Variants in EIF2AK3 observed in about 807,000 individuals in gnomAD.
The protein encoded by EIF2AK3 is eukaryotic translation initiation factor 2-alpha kinase 3.
A neutral mutation model predicts 113.5 loss-of-function variants in EIF2AK3; 50 were observed. That is an observed-to-expected ratio of 0.44 (90% CI 0.35 to 0.56). EIF2AK3 has a LOEUF of 0.56. Ranked by LOEUF, EIF2AK3 falls within the 20% of genes least tolerant of loss-of-function variation. The probability of loss-of-function intolerance (pLI) is 0.00; values close to 1 mark genes in which losing one functional copy is unlikely to be tolerated. For synonymous variants in EIF2AK3, 448 were observed against 495.4 expected (o/e 0.90, Z 1.27); for missense variants, 1,185 against 1,378.0 (o/e 0.86, Z 2.22).
At chr2:88,562,446 A>G in intron 14 of EIF2AK3, 56 bp from the exon 15 acceptor site, 1 of 1,386,560 alleles carries the variant, frequency 7.2e-7, no homozygotes, top group Non-Finnish European at 1.0e-6. Flanking sequence ...TACAGTTGAT[A>G]TTACAGCATT....
rs559379768 is a variant in EIF2AK3 at position 88,587,119 on chromosome 2, C to T, written c.1429+863G>A. On this transcript the variant is annotated intron_variant, in intron 8 of 16. Coordinates refer to ENST00000303236, the MANE Select transcript of EIF2AK3 (RefSeq NM_004836.7). ...ACTCGGGAGGCTGAGGCAGAAGAAT[C>T]GCTTGAACCCAGGAGGTGGAGGTTG... Among the ~76,000 whole-genome samples, 68 of 145,460 alleles carry T rather than the reference C, an allele frequency of 4.7e-4. 1 individual carries two copies. Among genetic ancestry groups the T allele is most frequent in the African/African-American group, 1.6e-3 (65 of 39,522 alleles).
intron 2 of EIF2AK3, among the ~76,000 whole-genome samples, chr2:88,611,390 A>G (rs1175070130): frequency 6.6e-6 from 1 of 152,232 alleles, no homozygotes; most frequent in Non-Finnish European, 1.5e-5. Context: ...TTATATCATC[A>G]GTATCTCTAC....
In EIF2AK3 at chr2:88,627,231, A is replaced by G; in HGVS notation, c.44T>C (p.Leu15Pro). 1 of 1,478,634 alleles carries G rather than the reference A, an allele frequency of 6.8e-7. No individual in the cohort carries two copies. 91.6% of individuals were successfully genotyped at this position (1,478,634 alleles called of 1,614,324 possible). A position where few individuals can be genotyped will look rare whatever the true frequency, so the allele number is the denominator to read the frequency against. The change falls in exon 1 of 17, where the codon CTG (leucine) becomes CCG (proline). Residue 15 changes from leucine (L) to proline (P), a missense_variant. Leu to Pro is a moderately conservative substitution (Grantham distance 98). Around this residue, in one of 3 missense-constraint regions of EIF2AK3, gnomAD observed 189 missense variants for 175.2 expected, o/e 1.08. Transcript: ENST00000303236. ...ISPGLLVRAL[L>P]LLLLLLGLAA... is the part of the protein sequence containing the mutation. ...GAGCCCCAGCAGCAGCAGCAGCAGCAGCAGCGCCCGTACCAGCAGCCCCGG... is the reference window on the plus strand; with the variant it reads ...GAGCCCCAGCAGCAGCAGCAGCAGCGGCAGCGCCCGTACCAGCAGCCCCGG...
rs186435400 is a variant in EIF2AK3 at position 88,585,880 on chromosome 2, C to T, written c.1611G>A (p.Thr537=). 9.9e-5 allele frequency: 160 copies of T among 1,614,064 alleles called. No individual in the cohort carries two copies. In the Admixed American group the frequency reaches 1.2e-3, roughly 12 times the overall value. The change falls in exon 9 of 17, where the codon ACG becomes ACA. Residue 537 remains threonine (T), a synonymous_variant. Transcript: ENST00000303236. ...GATGGAAAAGCCTGCGCACAATAAA[C>T]GTTGTTGCTATGATACAAAACAAAA... ...ATILFCIIAT[T]FIVRRLFHPH...
chr2:88,626,865 G>C, intron 1 of EIF2AK3, 102 bp downstream of exon 1: 6 of 1,479,222 alleles, frequency 4.1e-6, no homozygotes, highest in Non-Finnish European at 5.5e-6. Context: ...GCAGCCGAGG[G>C]AAGACGCCCG....
At chr2:88,582,664 T>C (rs1009818703) in intron 10 of EIF2AK3, among the ~76,000 whole-genome samples, 1 of 152,182 alleles carries the variant, frequency 6.6e-6, no homozygotes, top group African/African-American at 2.4e-5. Flanking sequence ...ATAAGATATA[T>C]ATGCACATCT....
chr2:88,612,320 C>T (rs889442317), intron 2 of EIF2AK3, among the ~76,000 whole-genome samples: 2 of 152,168 alleles, frequency 1.3e-5, no homozygotes, highest in African/African-American at 4.8e-5. Context: ...TCTCATTTTG[C>T]TGATCATCTC....
chr2:88,579,298 A>G (rs1674539358), intron 11 of EIF2AK3, among the ~76,000 whole-genome samples: 1 of 152,262 alleles, frequency 6.6e-6, no homozygotes, highest in Non-Finnish European at 1.5e-5. Flanking sequence ...CTGAGTTAAT[A>G]ATAAAAAACA....
rs766435829 is a variant in EIF2AK3, at chr2:88,585,967, CTTG to C, written c.1521_1523del (p.Asn507del). 4.3e-6 allele frequency: 7 copies of C among 1,614,110 alleles called. No individual in the cohort carries two copies. Among genetic ancestry groups the C allele is most frequent in the South Asian group, 1.1e-5 (1 of 91,080 alleles). On this transcript the variant is annotated inframe_deletion, in exon 9 of 17. Transcript: ENST00000303236. ...GAACAGGATCCTTTTTGCGGATATT[CTTG>C]TTGTAATGTGGGTTGTCGAGGAATC...
intron 2 of EIF2AK3, among the ~76,000 whole-genome samples, chr2:88,607,883 GT>G (rs1675329421): frequency 6.6e-6 from 1 of 152,190 alleles, no homozygotes; most frequent in Admixed American, 6.5e-5. Context: ...GATGCATGAA[GT>G]TAGATTATCT....
At chr2:88,627,917 G>A (rs1248404808), upstream of EIF2AK3, 1 of 151,902 alleles carries the variant, frequency 6.6e-6, no homozygotes, top group East Asian at 1.9e-4. Context: ...TGAAGAGTGG[G>A]AGGCAAGTGC....
At chr2:88,593,953 G>C in intron 3 of EIF2AK3, 1 of 990,716 alleles carries the variant, frequency 1.0e-6, no homozygotes, top group Non-Finnish European at 1.2e-6. Context: ...CATCAAATCG[G>C]AAAACCAGGT....
chr2:88,588,446 A>C (rs1674794460), intron 7 of EIF2AK3, among the ~76,000 whole-genome samples: 1 of 152,216 alleles, frequency 6.6e-6, no homozygotes, highest in Admixed American at 6.5e-5. Flanking sequence ...ACTTTTGCCT[A>C]AACAGTCTTA....
rs569065396 is a variant in EIF2AK3 at position 88,627,449 on chromosome 2, A to C, written c.-175T>G. 6 of 735,754 alleles carry C rather than the reference A, an allele frequency of 8.2e-6. No homozygotes were observed. The South Asian group carries it at 1.5e-4, about 18-fold the overall frequency. 45.6% of individuals were successfully genotyped at this position (735,754 alleles called of 1,614,324 possible). On this transcript the variant is annotated 5_prime_UTR_variant, in exon 1 of 17. Coordinates refer to ENST00000303236, the MANE Select transcript of EIF2AK3 (RefSeq NM_004836.7). ...TCTCAGCCCGGCCTCTGCCGCTGCC[A>C]CCTGAGTGACAGCCTATCTCGGACA...
intron 14 of EIF2AK3, among the ~76,000 whole-genome samples, chr2:88,569,229 A>G (rs113633253): frequency 4.6e-5 from 7 of 151,510 alleles, no homozygotes; most frequent in African/African-American, 1.4e-4. Context: ...GAGACCGGGC[A>G]TGGTAGCTCA....
chr2:88,626,836 AG>A, intron 1 of EIF2AK3, 130 bp downstream of exon 1: 1 of 1,252,414 alleles, frequency 8.0e-7, no homozygotes, highest in Admixed American at 2.3e-5. Flanking sequence ...GCTCGTCCCC[AG>A]GTCGCCAGCT....
chr2:88,588,709 G>A (rs1674801150), intron 7 of EIF2AK3, 52 bp downstream of exon 7: 8 of 1,599,344 alleles, frequency 5.0e-6, no homozygotes, highest in Non-Finnish European at 6.9e-6. Flanking sequence ...AGACAGTCAG[G>A]ATTAGGTCTC....
chr2:88,588,673 C>T, intron 7 of EIF2AK3, 88 bp downstream of exon 7: 1 of 1,347,620 alleles, frequency 7.4e-7, no homozygotes, highest in Admixed American at 1.7e-5. Flanking sequence ...CAGTTCTTAT[C>T]TCTGCAGTAT....
At chr2:88,577,312 C>T (rs1380348092) in intron 11 of EIF2AK3, among the ~76,000 whole-genome samples, 3 of 152,020 alleles carry the variant, frequency 2.0e-5, no homozygotes, top group African/African-American at 7.2e-5. Flanking sequence ...AAAGGCCACA[C>T]AAGTCCTGTA....
Sources: gnomAD v4.1 joint callset for allele counts (sites outside exome capture counted in the v4.1 genomes callset) on GRCh38, gnomAD v4.1.1 for gene constraint, gnomAD v4.1.1 regional missense constraint, MANE v1.5 for transcripts, NCBI Gene and HGNC (gene_info 2026-07-23, HGNC 2026-07-21) for gene names.